Variants in CLVS1 observed in about 807,000 individuals in gnomAD.
CLVS1 encodes the protein clavesin 1, also known as clavesin-1.
Under a neutral mutation model 33.1 loss-of-function variants are expected in CLVS1, and 10 were observed. That is an observed-to-expected ratio of 0.30 (90% CI 0.19 to 0.51). CLVS1 has a LOEUF of 0.51. Ranked by LOEUF, CLVS1 falls within the 20% of genes least tolerant of loss-of-function variation. CLVS1 has a pLI of 0.97. For synonymous variants in CLVS1, 163 were observed against 166.1 expected (o/e 0.98, Z 0.14); for missense variants, 343 against 433.4 (o/e 0.79, Z 1.85).
intron 2 of CLVS1, among the ~76,000 whole-genome samples, chr8:61,141,479 G>GTATA (rs142262369): frequency 9.3e-5 from 14 of 151,040 alleles, no homozygotes; most frequent in African/African-American, 3.4e-4. Context: ...ATTGGCTTAT[G>GTATA]TATATATATA....
intron 5 of CLVS1, among the ~76,000 whole-genome samples, chr8:61,493,598 C>G (rs1804171819): frequency 6.6e-6 from 1 of 152,184 alleles, no homozygotes; most frequent in South Asian, 2.1e-4. Flanking sequence ...CAGAGCTTCT[C>G]TGGGGAATTT....
At chr8:61,236,971 G>A (rs1400997087) in intron 2 of CLVS1, among the ~76,000 whole-genome samples, 1 of 152,206 alleles carries the variant, frequency 6.6e-6, no homozygotes, top group Non-Finnish European at 1.5e-5. Flanking sequence ...ACAAAGTTGT[G>A]TTATTAATAT....
intron 5 of CLVS1, among the ~76,000 whole-genome samples, chr8:61,477,892 G>T (rs1301180275): frequency 6.6e-6 from 1 of 152,106 alleles, no homozygotes; most frequent in Non-Finnish European, 1.5e-5. Flanking sequence ...TGTGATGTTA[G>T]GGTGTCAATT....
intron 2 of CLVS1, among the ~76,000 whole-genome samples, chr8:61,140,796 G>A (rs1806294259): frequency 6.6e-6 from 1 of 152,038 alleles, no homozygotes; most frequent in Non-Finnish European, 1.5e-5. Flanking sequence ...TCGATCTCCT[G>A]ACCTCGTGAT....
chr8:61,315,157 C>G (rs918006784), intron 2 of CLVS1, among the ~76,000 whole-genome samples: 1 of 152,184 alleles, frequency 6.6e-6, no homozygotes, highest in African/African-American at 2.4e-5. Flanking sequence ...CTTTTCTTCT[C>G]TCTAATACTC....
the CLVS1 span, among the ~76,000 whole-genome samples, chr8:61,023,544 A>T: frequency 6.6e-6 from 1 of 152,382 alleles, no homozygotes; most frequent in Non-Finnish European, 1.5e-5. Context: ...TTAAAAATTC[A>T]TCTCTATGGT....
At chr8:61,433,934 C>T (rs1300842060) in intron 3 of CLVS1, among the ~76,000 whole-genome samples, 1 of 150,490 alleles carries the variant, frequency 6.6e-6, no homozygotes, top group East Asian at 1.9e-4. Context: ...TAAAACATAT[C>T]ATTCATTAAA....
At chr8:61,444,269 A>G (rs1233176763) in intron 3 of CLVS1, among the ~76,000 whole-genome samples, 1 of 152,134 alleles carries the variant, frequency 6.6e-6, no homozygotes, top group Non-Finnish European at 1.5e-5. Flanking sequence ...CATGTGTTGA[A>G]TAAGAGTGAT....
intron 3 of CLVS1, chr8:61,377,289 G>A (rs1271625962): frequency 1.3e-5 from 2 of 152,320 alleles, no homozygotes; most frequent in Non-Finnish European, 2.9e-5. Flanking sequence ...TGAGGATTTT[G>A]GAGAAGAGGT....
intron 2 of CLVS1, among the ~76,000 whole-genome samples, chr8:61,338,035 G>C (rs1811868263): frequency 6.6e-6 from 1 of 152,142 alleles, no homozygotes; most frequent in Non-Finnish European, 1.5e-5. Context: ...AATACCTTGA[G>C]ACTTGGCACC....
chr8:61,246,505 T>C (rs560619864), intron 2 of CLVS1, among the ~76,000 whole-genome samples: 1 of 152,272 alleles, frequency 6.6e-6, no homozygotes, highest in East Asian at 1.9e-4. Flanking sequence ...TTATATATTT[T>C]AGTTCTACGT....
chr8:61,401,923 T>A (rs955998180), intron 3 of CLVS1, among the ~76,000 whole-genome samples: 5 of 152,138 alleles, frequency 3.3e-5, no homozygotes, highest in African/African-American at 1.2e-4. Flanking sequence ...CATAACATAA[T>A]GCACATATTT....
chr8:61,459,064 C>T (rs535665215), intron 5 of CLVS1, among the ~76,000 whole-genome samples: 1 of 152,108 alleles, frequency 6.6e-6, no homozygotes, highest in South Asian at 2.1e-4. Context: ...TCAGTCTGAG[C>T]TCTGGAGACC....
chr8:61,138,789 A>T (rs896895156), intron 2 of CLVS1, among the ~76,000 whole-genome samples: 1 of 152,170 alleles, frequency 6.6e-6, no homozygotes, highest in Non-Finnish European at 1.5e-5. Flanking sequence ...TGGGCGTCAC[A>T]TCTCATGGGG....
At chr8:61,140,082 A>G (rs1026887862) in intron 2 of CLVS1, among the ~76,000 whole-genome samples, 2 of 151,980 alleles carry the variant, frequency 1.3e-5, no homozygotes, top group Non-Finnish European at 2.9e-5. Context: ...GGCGCATTCC[A>G]TGGAGACCAG....
chr8:61,060,406 C>G (rs1212111391), intron 1 of CLVS1, among the ~76,000 whole-genome samples: 1 of 152,184 alleles, frequency 6.6e-6, no homozygotes, highest in African/African-American at 2.4e-5. Context: ...TGGCTCATAT[C>G]TAGCCAGTCT....
intron 2 of CLVS1, among the ~76,000 whole-genome samples, chr8:61,238,957 C>G (rs1585713767): frequency 6.6e-6 from 1 of 152,300 alleles, no homozygotes; most frequent in East Asian, 1.9e-4. Context: ...GGTCTTGATA[C>G]ATTCTGCCAA....
chr8:61,112,209 C>CACACACACACACACACACACAT (rs141923511), intron 1 of CLVS1, among the ~76,000 whole-genome samples: 2 of 145,638 alleles, frequency 1.4e-5, no homozygotes, highest in African/African-American at 5.2e-5. Flanking sequence ...CACACACACA[C>CACACACACACACACACACACAT]ACACACACAC....
At chr8:61,229,454 C>T (rs939469612) in intron 2 of CLVS1, among the ~76,000 whole-genome samples, 1 of 152,138 alleles carries the variant, frequency 6.6e-6, no homozygotes, top group African/African-American at 2.4e-5. Flanking sequence ...ATTGGAGGCT[C>T]GGAATGACAA....
Sources: gnomAD v4.1 joint callset for allele counts (sites outside exome capture counted in the v4.1 genomes callset) on GRCh38, gnomAD v4.1.1 for gene constraint, MANE v1.5 for transcripts, NCBI Gene and HGNC (gene_info 2026-07-23, HGNC 2026-07-21) for gene names.